The following PCDHGA4 variants were observed in gnomAD, a reference collection of about 807,000 sequenced individuals.
PCDHGA4 encodes protocadherin gamma subfamily A, 4, also known as protocadherin gamma-A4.
In PCDHGA4, 38 loss-of-function variants were observed where a neutral mutation model predicts 54.6. The ratio of observed to expected loss-of-function variants is 0.70; its 90% confidence interval spans 0.54 to 0.91. PCDHGA4 has a LOEUF of 0.91. Ranked by LOEUF, PCDHGA4 falls within the 40% of genes least tolerant of loss-of-function variation. The probability of loss-of-function intolerance (pLI) is 0.00; values close to 1 mark genes in which losing one functional copy is unlikely to be tolerated. For missense variants in PCDHGA4, 1,298 were observed against 1,220.9 expected (o/e 1.06, Z -0.94); for synonymous variants, 511 against 512.9 (o/e 1.00, Z 0.05).
intron 1 of PCDHGA4, among the ~76,000 whole-genome samples, chr5:141,445,700 A>G (rs2098474731): frequency 6.6e-6 from 1 of 152,216 alleles, no homozygotes; most frequent in Non-Finnish European, 1.5e-5. Flanking sequence ...TAAAAAAGAA[A>G]TTGTCAGGCA....
At chr5:141,420,024 C>T (rs2096459407) in intron 1 of PCDHGA4, 1 of 1,614,088 alleles carries the variant, frequency 6.2e-7, no homozygotes, top group Non-Finnish European at 8.5e-7. Context: ...TTCAGCCCTA[C>T]TGCAGGAGAC....
intron 1 of PCDHGA4, among the ~76,000 whole-genome samples, chr5:141,444,242 G>A (rs964582042): frequency 7.5e-6 from 1 of 133,896 alleles, no homozygotes; most frequent in Non-Finnish European, 1.5e-5. Flanking sequence ...CATGCTCTCG[G>A]CTCACTGCAA....
Position 141,512,703 on chromosome 5 carries a change from T to C in PCDHGA4, c.*1530T>C. ...TAGCCAGTAGTGTAGTGCGGTGTGC[T>C]TTTACGTGATGGCGGGTGGGCAGCG... On this transcript the variant is annotated 3_prime_UTR_variant, in exon 4 of 4. Coordinates refer to ENST00000571252, the MANE Select transcript of PCDHGA4 (RefSeq NM_018917.4). 1 of 152,958 alleles carries C rather than the reference T, an allele frequency of 6.5e-6. No individual in the cohort carries two copies. Among genetic ancestry groups the C allele is most frequent in the East Asian group, 1.9e-4 (1 of 5,212 alleles). 9.5% of individuals were successfully genotyped at this position (152,958 alleles called of 1,614,324 possible).
At chr5:141,405,049 C>A in intron 1 of PCDHGA4, 2 of 1,613,936 alleles carry the variant, frequency 1.2e-6, no homozygotes, top group South Asian at 2.2e-5. Flanking sequence ...CTGTGGCAGT[C>A]GTCTCCTGTG....
At position 141,490,664 on chromosome 5, in the gene PCDHGA4, C is replaced by T; in HGVS notation, c.2515-4143C>T. 6.2e-7 allele frequency: 1 copy of T among 1,614,212 alleles called. No homozygotes were observed. The highest frequency in any genetic ancestry group is 1.1e-5 in the South Asian group (1 of 91,084). On this transcript the variant is annotated intron_variant, in intron 1 of 3. Coordinates refer to ENST00000571252, the MANE Select transcript of PCDHGA4 (RefSeq NM_018917.4). The surrounding 1 kb of genome is among the most constrained non-coding windows in gnomAD (Gnocchi z 5.4). ...CGGCCTCCGGGCTCCCTTCTTTGCA[C>T]TGTGGCTGCCTCAGATCCAGACACT...
chr5:141,437,945 C>A (rs1204633193), intron 1 of PCDHGA4, among the ~76,000 whole-genome samples: 1 of 152,112 alleles, frequency 6.6e-6, no homozygotes, highest in Non-Finnish European at 1.5e-5. Flanking sequence ...ACCATATTGG[C>A]CAGAATGGTC....
intron 1 of PCDHGA4, among the ~76,000 whole-genome samples, chr5:141,484,288 C>T (rs1300726429): frequency 6.6e-6 from 1 of 152,176 alleles, no homozygotes; most frequent in African/African-American, 2.4e-5. Context: ...AAACATCTCC[C>T]TCTCCTGGCT....
At chr5:141,393,430 C>G in intron 1 of PCDHGA4, 1 of 1,614,040 alleles carries the variant, frequency 6.2e-7, no homozygotes, top group Non-Finnish European at 8.5e-7. Context: ...GAGGAAGAGG[C>G]TGCTCACCAC....
intron 1 of PCDHGA4, among the ~76,000 whole-genome samples, chr5:141,433,594 G>A (rs1331681563): frequency 1.3e-5 from 2 of 152,086 alleles, no homozygotes; most frequent in Admixed American, 1.3e-4. Context: ...CCAGTACTTT[G>A]GGAGGCCGAG....
intron 1 of PCDHGA4, chr5:141,416,744 A>G (rs1480936949): frequency 2.0e-5 from 3 of 152,210 alleles, no homozygotes; most frequent in Non-Finnish European, 4.4e-5. Context: ...GAAAATAGTG[A>G]CGTATTAGGT....
At chr5:141,438,875 A>G (rs2098071820) in intron 1 of PCDHGA4, among the ~76,000 whole-genome samples, 1 of 151,738 alleles carries the variant, frequency 6.6e-6, no homozygotes. Flanking sequence ...CAAGTTGGCC[A>G]GGCTGCTCTT....
chr5:141,499,423 G>GA (rs1229901490), intron 2 of PCDHGA4, among the ~76,000 whole-genome samples: 1 of 151,754 alleles, frequency 6.6e-6, no homozygotes, highest in Non-Finnish European at 1.5e-5. Flanking sequence ...ATGAAAAATA[G>GA]AAAAAAAATT....
At chr5:141,452,281 T>C (rs948141174) in intron 1 of PCDHGA4, among the ~76,000 whole-genome samples, 1 of 152,232 alleles carries the variant, frequency 6.6e-6, no homozygotes, top group African/African-American at 2.4e-5. Flanking sequence ...CCTTTCTTAC[T>C]TTCTGATATA....
chr5:141,419,505 G>A lies in PCDHGA4; in HGVS notation c.2514+61884G>A, dbSNP rs115850576. The A allele has an allele frequency of 8.4e-4, 1,351 of 1,612,324 alleles. 13 individuals are homozygous for A. In the African/African-American group the frequency reaches 0.015, roughly 18 times the overall value. The stretch of plus-strand genomic sequence containing the variant: ...GCGCTCAGCGCCAATGTGAGCCTGC[G>A]CGTGTTGGTGGGCGACCGTAACGAC... On this transcript the variant is annotated intron_variant, in intron 1 of 3. Transcript: ENST00000571252.
chr5:141,364,535 A>G (rs1404696563), intron 1 of PCDHGA4: 2 of 1,614,100 alleles, frequency 1.2e-6, no homozygotes, highest in Admixed American at 3.3e-5. Context: ...CATCGTCTCC[A>G]GAGGTAGGAC....
At chr5:141,386,071 T>C (rs1306390506) in intron 1 of PCDHGA4, 4 of 152,214 alleles carry the variant, frequency 2.6e-5, no homozygotes, top group Non-Finnish European at 5.9e-5. Context: ...CAGTATGTTG[T>C]TTTAGTGGTA....
intron 1 of PCDHGA4, among the ~76,000 whole-genome samples, chr5:141,452,522 A>G (rs924248463): frequency 6.6e-6 from 1 of 152,310 alleles, no homozygotes; most frequent in African/African-American, 2.4e-5. Context: ...CTCCCTCAAA[A>G]TCGTGAGTTC....
intron 1 of PCDHGA4, chr5:141,399,822 C>T (rs755182775): frequency 1.2e-6 from 2 of 1,613,084 alleles, no homozygotes; most frequent in Admixed American, 3.3e-5. Context: ...CGCTGGGTCC[C>T]GACGGCTCTG....
intron 1 of PCDHGA4, chr5:141,395,911 T>C (rs964928270): frequency 2.6e-5 from 4 of 152,144 alleles, no homozygotes; most frequent in African/African-American, 9.7e-5. Flanking sequence ...CATGGAGACA[T>C]GAAATCTAAA....
Sources: gnomAD v4.1 joint callset for allele counts (sites outside exome capture counted in the v4.1 genomes callset) on GRCh38, gnomAD v4.1.1 for gene constraint, Gnocchi (gnomAD v3.1) non-coding constraint, MANE v1.5 for transcripts, NCBI Gene and HGNC (gene_info 2026-07-23, HGNC 2026-07-21) for gene names.